Variants in ABCB7 observed in about 807,000 individuals in gnomAD.
ABCB7 encodes iron-sulfur clusters transporter ABCB7, mitochondrial.
Under a neutral mutation model 54.4 loss-of-function variants are expected in ABCB7, and 7 were observed. The ratio of observed to expected loss-of-function variants is 0.13; its 90% CI spans 0.07 to 0.24. The LOEUF is 0.24. ABCB7 is among the 10% of genes least tolerant of loss of function. ABCB7 has a pLI of 1.00. For synonymous variants in ABCB7, 218 were observed against 207.1 expected (o/e 1.05, Z -0.45); for missense variants, 356 against 570.4 (o/e 0.62, Z 3.83).
intron 15 of ABCB7, among the ~76,000 whole-genome samples, chrX:75,057,322 A>G (rs1043174598): frequency 9.3e-6 from 1 of 107,471 alleles, no homozygotes; most frequent in Non-Finnish European, 1.9e-5. Context: ...TCTCTTTTGT[A>G]TCTTACTTTT....
intron 3 of ABCB7, among the ~76,000 whole-genome samples, chrX:75,104,047 G>GTTTTTTTGTTTTTTTTTTTTTTTTTTTT (rs2081663659): frequency 4.5e-4 from 6 of 13,446 alleles, no homozygotes; most frequent in Non-Finnish European, 8.7e-4. Flanking sequence ...TCTTGTTACA[G>GTTTTTTTGTTTTTTTTTTTTTTTTTTTT]TTTTTTTTTT....
intron 4 of ABCB7, among the ~76,000 whole-genome samples, chrX:75,096,319 G>C (rs1285656890): frequency 8.9e-6 from 1 of 111,946 alleles, no homozygotes; most frequent in African/African-American, 3.2e-5. Flanking sequence ...ATTTAAGTAA[G>C]TACTCTTTCC....
rs757074347 is a variant in ABCB7, at chrX:75,104,047, G to GTTTTTTTTTTTTTTTTTTTTTTTTTTT, written c.334-5013_334-4987dup. Among the ~76,000 whole-genome samples, 25 of 13,446 alleles carry GTTTTTTTTTTTTTTTTTTTTTTTTTTT rather than the reference G, an allele frequency of 1.9e-3. 7 individuals are homozygous for GTTTTTTTTTTTTTTTTTTTTTTTTTTT. The highest frequency in any genetic ancestry group is 4.0e-3 in the Admixed American group (2 of 502). The allele number at this position is 13,446 out of a possible 115,157, so 11.7% of individuals were successfully genotyped here. A position where few individuals can be genotyped will look rare whatever the true frequency, so the allele number is the denominator to read the frequency against. On this transcript the variant is annotated intron_variant, in intron 3 of 15. Transcript: ENST00000373394. ...AAATGGGCATCCCTGTCTTGTTACA[G>GTTTTTTTTTTTTTTTTTTTTTTTTTTT]TTTTTTTTTTTTTTTTTTTTTTTTT...
At position 75,062,434 on chromosome X, in the gene ABCB7, G is replaced by A. The variant is rs2081288187; in HGVS notation, c.1832-3C>T. 1 of 1,196,074 alleles carries A rather than the reference G, an allele frequency of 8.4e-7. No homozygotes were observed. The highest frequency in any genetic ancestry group is 1.1e-6 in the Non-Finnish European group (1 of 883,343). ...TGCTACTCTTTGCTTTTCTCCTCCT[G>A]GTAAAGGAAAATTTTACTTTAAGGA... On this transcript the variant is annotated splice_polypyrimidine_tract_variant and splice_region_variant and intron_variant, in intron 13 of 15. Transcript: ENST00000373394.
chrX:75,069,174 TTAA>T, intron 11 of ABCB7, 38 bp from the exon 12 acceptor site: 1 of 1,205,971 alleles, frequency 8.3e-7, no homozygotes. Flanking sequence ...TTAGCTCCTA[TTAA>T]TGTTAGGAAA....
intron 12 of ABCB7, among the ~76,000 whole-genome samples, chrX:75,065,865 C>T (rs369567794): frequency 4.5e-5 from 5 of 111,245 alleles, no homozygotes; most frequent in East Asian, 2.8e-4. Context: ...TATAAGTACA[C>T]GCTAACCAAT....
chrX:75,137,012 CA>C (rs1016179664), intron 1 of ABCB7, among the ~76,000 whole-genome samples: 2 of 112,251 alleles, frequency 1.8e-5, no homozygotes, highest in Non-Finnish European at 3.8e-5. Flanking sequence ...GCAATTTTAA[CA>C]AAAACAAAAA....
intron 6 of ABCB7, among the ~76,000 whole-genome samples, 195 bp downstream of exon 6, chrX:75,075,167 C>T (rs2081397756): frequency 9.0e-6 from 1 of 111,445 alleles, no homozygotes; most frequent in African/African-American, 3.3e-5. Flanking sequence ...CAGTTATTTA[C>T]AATAACAACA....
chrX:75,097,030 T>C (rs1414256115), intron 4 of ABCB7, among the ~76,000 whole-genome samples: 3 of 111,667 alleles, frequency 2.7e-5, no homozygotes, highest in Non-Finnish European at 5.7e-5. Flanking sequence ...CTTGAATTCA[T>C]CTTTTACACA....
At chrX:75,101,137 T>A (rs757050591) in intron 3 of ABCB7, among the ~76,000 whole-genome samples, 4 of 111,185 alleles carry the variant, frequency 3.6e-5, no homozygotes, top group African/African-American at 9.8e-5. Flanking sequence ...TACTTTTTTA[T>A]GGCCTTTTGT....
At chrX:75,063,161 T>A (rs2081292830) in intron 13 of ABCB7, among the ~76,000 whole-genome samples, 1 of 111,557 alleles carries the variant, frequency 9.0e-6, no homozygotes, top group African/African-American at 3.2e-5. Context: ...CATTTATTCC[T>A]AAATACAAGA....
At chrX:75,102,580 A>G (rs985647038) in intron 3 of ABCB7, among the ~76,000 whole-genome samples, 3 of 111,860 alleles carry the variant, frequency 2.7e-5, no homozygotes, top group Non-Finnish European at 5.7e-5. Flanking sequence ...GATTGATTCC[A>G]TATCAGCTAT....
At chrX:75,110,722 T>TA (rs1471301713) in intron 3 of ABCB7, among the ~76,000 whole-genome samples, 1 of 111,824 alleles carries the variant, frequency 8.9e-6, no homozygotes, top group Non-Finnish European at 1.9e-5. Context: ...AGCATATAAA[T>TA]AAAAATTTAA....
At chrX:75,115,405 CTTTTCTTTTTTTTTT>C in intron 1 of ABCB7, among the ~76,000 whole-genome samples, 1 of 35,479 alleles carries the variant, frequency 2.8e-5, no homozygotes, top group East Asian at 8.6e-4. Flanking sequence ...GTTTCTGTCT[CTTTTCTTTTTTTTTT>C]TTTTTTTTTT....
At chrX:75,100,713 C>A (rs1181696177) in intron 3 of ABCB7, among the ~76,000 whole-genome samples, 2 of 111,583 alleles carry the variant, frequency 1.8e-5, no homozygotes, top group Non-Finnish European at 3.8e-5. Context: ...AACAGCAGTA[C>A]AATTATTTGA....
intron 8 of ABCB7, among the ~76,000 whole-genome samples, chrX:75,072,300 G>A (rs141489284): frequency 3.4e-4 from 38 of 111,251 alleles, no homozygotes; most frequent in African/African-American, 1.2e-3. Flanking sequence ...AGATGCTAAC[G>A]GTACACAGTC....
chrX:75,085,978 C>A (rs1408201784), intron 4 of ABCB7, among the ~76,000 whole-genome samples: 1 of 109,344 alleles, frequency 9.1e-6, no homozygotes, highest in Non-Finnish European at 1.9e-5. Flanking sequence ...TCCCGAGTAG[C>A]TAGGACTACA....
intron 1 of ABCB7, among the ~76,000 whole-genome samples, chrX:75,127,235 G>C (rs1283347639): frequency 3.6e-5 from 4 of 111,288 alleles, no homozygotes; most frequent in African/African-American, 1.3e-4. Flanking sequence ...TCACCCCTGG[G>C]ATGCAAGGCT....
chrX:75,140,725 G>C (rs2147567989), intron 1 of ABCB7, among the ~76,000 whole-genome samples: 1 of 111,340 alleles, frequency 9.0e-6, no homozygotes, highest in South Asian at 3.9e-4. Flanking sequence ...GCTAGGACAG[G>C]ATTGGGAGTG....
Sources: allele counts gnomAD v4.1 joint callset (sites outside exome capture counted in the v4.1 genomes callset), GRCh38; gene constraint gnomAD v4.1.1; transcripts MANE v1.5; gene names NCBI Gene and HGNC (gene_info 2026-07-23, HGNC 2026-07-21).